The following TAX1BP1 variants were observed in gnomAD, a reference collection of about 807,000 sequenced individuals.
TAX1BP1 encodes the protein tax1-binding protein 1.
TAX1BP1 carries 62 observed loss-of-function variants against 97.7 expected under a neutral mutation model. The ratio of observed to expected loss-of-function variants is 0.63; its 90% CI spans 0.52 to 0.78. TAX1BP1 has a LOEUF of 0.78. Ranked by LOEUF, TAX1BP1 falls within the 30% of genes least tolerant of loss-of-function variation. TAX1BP1 has a pLI of 0.00. For missense variants in TAX1BP1, 867 were observed against 916.1 expected (o/e 0.95, Z 0.69); for synonymous variants, 340 against 304.2 (o/e 1.12, Z -1.23).
rs76327155 is a variant in TAX1BP1 at position 27,770,653 on chromosome 7, C to T, written c.612+819C>T. ...ATTGCTTAATAATTGCTAAATGAACCGCTAGTGCAGTGATTCTCAAACATT... is the reference window on the plus strand; with the variant it reads ...ATTGCTTAATAATTGCTAAATGAACTGCTAGTGCAGTGATTCTCAAACATT... On this transcript the variant is annotated intron_variant, in intron 5 of 16. Transcript: ENST00000396319. 3.2e-3 allele frequency among the ~76,000 whole-genome samples: 483 copies of T among 152,108 alleles called. 2 individuals carry two copies. The highest frequency in any genetic ancestry group is 0.011 in the African/African-American group (456 of 41,504).
At chr7:27,747,382 T>C (rs1204731695) in intron 1 of TAX1BP1, among the ~76,000 whole-genome samples, 1 of 152,236 alleles carries the variant, frequency 6.6e-6, no homozygotes, top group Non-Finnish European at 1.5e-5. Flanking sequence ...TGGTGTTTAC[T>C]AAGCCAGTGA....
chr7:27,788,834 T>A (rs542147404), intron 8 of TAX1BP1, among the ~76,000 whole-genome samples: 47 of 152,166 alleles, frequency 3.1e-4, no homozygotes, highest in Non-Finnish European at 5.5e-4. Context: ...TTTTTTTTAG[T>A]AGGTAATGGT....
chr7:27,766,915 A>G (rs960090319), intron 4 of TAX1BP1, among the ~76,000 whole-genome samples: 3 of 152,168 alleles, frequency 2.0e-5, no homozygotes, highest in Admixed American at 6.5e-5. Context: ...ATAAGCCTAG[A>G]TTAACCATAA....
chr7:27,742,316 T>C (rs963980165), intron 1 of TAX1BP1, among the ~76,000 whole-genome samples: 1 of 152,204 alleles, frequency 6.6e-6, no homozygotes, highest in South Asian at 2.1e-4. Flanking sequence ...CAGAGGTCCC[T>C]GCAGGCTTCC....
At chr7:27,807,284 G>A (rs1790376133) in intron 13 of TAX1BP1, among the ~76,000 whole-genome samples, 1 of 152,056 alleles carries the variant, frequency 6.6e-6, no homozygotes, top group Non-Finnish European at 1.5e-5. Flanking sequence ...CACTGACACA[G>A]TATTATCATC....
chr7:27,828,457 G>T (rs1782553717), intron 16 of TAX1BP1, among the ~76,000 whole-genome samples, 171 bp from the exon 17 acceptor site: 1 of 152,122 alleles, frequency 6.6e-6, no homozygotes, highest in African/African-American at 2.4e-5. Context: ...TTACACAATT[G>T]TCTACAGCAA....
rs778165777 is a variant in TAX1BP1 at position 27,785,416 on chromosome 7, A to G, written c.779A>G (p.Lys260Arg). The G allele has an allele frequency of 1.2e-6, 2 of 1,613,032 alleles. No homozygotes were observed. The highest frequency in any genetic ancestry group is 1.1e-5 in the South Asian group (1 of 90,764). ...TATCTTAGTTTAAAGGACAAACTCAAGAAGGCACAACATGAAAGAGAACAA... is the reference window on the plus strand; with the variant it reads ...TATCTTAGTTTAAAGGACAAACTCAGGAAGGCACAACATGAAAGAGAACAA... Reference protein sequence around the residue: ...TELDSLKDKLKKAQHEREQLE... With the variant: ...TELDSLKDKLRKAQHEREQLE... Residue 260 changes from lysine to arginine, a missense_variant, in exon 7 of 17, where the codon AAG becomes AGG. Around this residue, in one of 3 missense-constraint regions of TAX1BP1, gnomAD observed 822 missense variants for 851.4 expected, o/e 0.97. Transcript: ENST00000396319.
Position 27,828,760 on chromosome 7 carries a change from C to CG in TAX1BP1, c.2301_2302insG (p.Tyr768ValfsTer2). The CG allele has an allele frequency of 1.9e-6, 3 of 1,613,118 alleles. No homozygotes were observed. Among genetic ancestry groups the CG allele is most frequent in the Non-Finnish European group, 2.5e-6 (3 of 1,179,664 alleles). ...TGTGCAGCGAGCAGTTCCCTCCTGA[C>CG]TATGACCAGCAGGTGTTTGAAAGGC... On this transcript the variant is annotated frameshift_variant, in exon 17 of 17. Transcript: ENST00000396319. LOFTEE classifies it high-confidence loss of function.
intron 2 of TAX1BP1, among the ~76,000 whole-genome samples, chr7:27,754,305 C>T (rs994994717): frequency 1.3e-5 from 2 of 151,000 alleles, no homozygotes; most frequent in African/African-American, 4.8e-5. Flanking sequence ...CCTTGGTCTC[C>T]CCTTCAGTCC....
Position 27,769,705 on chromosome 7 carries a change from A to G in TAX1BP1, c.483A>G (p.Lys161=), listed in dbSNP as rs751956892. The part of the protein sequence containing the change: ...ELKIEKTMKE[K]EELLKLIAVL... ...AAATTGAGAAAACCATGAAAGAAAAAGAAGAACTGTTAAAGTTAATTGCCG... is the reference window on the plus strand; with the variant it reads ...AAATTGAGAAAACCATGAAAGAAAAGGAAGAACTGTTAAAGTTAATTGCCG... Residue 161 remains lysine, a synonymous_variant, in exon 5 of 17, where the codon AAA becomes AAG. Transcript: ENST00000396319. 3.7e-6 allele frequency: 6 copies of G among 1,609,336 alleles called. No homozygotes were observed. The highest frequency in any genetic ancestry group is 4.2e-6 in the Non-Finnish European group (5 of 1,178,368).
chr7:27,756,661 A>G (rs547463066), intron 2 of TAX1BP1, among the ~76,000 whole-genome samples: 2 of 152,276 alleles, frequency 1.3e-5, no homozygotes, highest in Non-Finnish European at 2.9e-5. Context: ...ACAAAATACT[A>G]CACCTATAAT....
chr7:27,825,185 C>T (rs1186827510), intron 15 of TAX1BP1, among the ~76,000 whole-genome samples: 1 of 150,560 alleles, frequency 6.6e-6, no homozygotes, highest in Non-Finnish European at 1.5e-5. Flanking sequence ...AGTGAAATGC[C>T]TAACATTGGA....
intron 13 of TAX1BP1, among the ~76,000 whole-genome samples, chr7:27,811,147 T>A (rs1790543159): frequency 6.6e-6 from 1 of 152,204 alleles, no homozygotes; most frequent in Non-Finnish European, 1.5e-5. Flanking sequence ...TAATAGATGG[T>A]GTGCTAGGTA....
intron 2 of TAX1BP1, among the ~76,000 whole-genome samples, chr7:27,751,437 A>G (rs1045865779): frequency 5.3e-5 from 8 of 152,220 alleles, no homozygotes; most frequent in African/African-American, 1.9e-4. Flanking sequence ...AAATATATAC[A>G]CACATACTAC....
chr7:27,790,839 C>CA (rs1479371665), intron 8 of TAX1BP1, among the ~76,000 whole-genome samples: 1 of 152,008 alleles, frequency 6.6e-6, no homozygotes, highest in Non-Finnish European at 1.5e-5. Context: ...TAAACCCATG[C>CA]AAATATTGGA....
At position 27,752,723 on chromosome 7, in the gene TAX1BP1, G is replaced by A. The variant is rs146894530; in HGVS notation, c.162+4037G>A. Among the ~76,000 whole-genome samples, 874 of 152,198 alleles carry A rather than the reference G, an allele frequency of 5.7e-3. 6 individuals are homozygous for A. Among genetic ancestry groups the A allele is most frequent in the Middle Eastern group, 0.02 (6 of 294 alleles). ...ATGAAAATAAACATTTAACATGTTG[G>A]GAATTTTATACATTCACCTCTCATC... On this transcript the variant is annotated intron_variant, in intron 2 of 16. Coordinates refer to ENST00000396319, the MANE Select transcript of TAX1BP1 (RefSeq NM_006024.7).
In TAX1BP1 at chr7:27,824,399, A is replaced by C. The variant is rs889532470; in HGVS notation, c.2086-3339A>C. 2.6e-5 allele frequency among the ~76,000 whole-genome samples: 4 copies of C among 150,982 alleles called. No homozygotes were observed. The Middle Eastern group carries it at 0.01, about 385-fold the overall frequency. On this transcript the variant is annotated intron_variant, in intron 15 of 16. Transcript: ENST00000396319. ...GTAACATAGTGAGATCCTGTCTCTT[A>C]AAAAAAATACCGAGTGTGGTGGTAC...
intron 13 of TAX1BP1, among the ~76,000 whole-genome samples, chr7:27,815,051 TA>T (rs1223852392): frequency 2.6e-5 from 4 of 152,062 alleles, no homozygotes; most frequent in Non-Finnish European, 5.9e-5. Context: ...TCCTAGTTTT[TA>T]TAGATTTTTT....
At chr7:27,749,397 C>T (rs925637012) in intron 2 of TAX1BP1, among the ~76,000 whole-genome samples, 1 of 152,208 alleles carries the variant, frequency 6.6e-6, no homozygotes, top group Non-Finnish European at 1.5e-5. Context: ...AAAACACATT[C>T]ACTTTTCTCC....
Sources: allele counts gnomAD v4.1 joint callset (sites outside exome capture counted in the v4.1 genomes callset), GRCh38; gene constraint gnomAD v4.1.1; regional missense constraint gnomAD v4.1.1; transcripts MANE v1.5; gene names NCBI Gene and HGNC (gene_info 2026-07-23, HGNC 2026-07-21).